The following DCC variants were observed in gnomAD, a reference collection of about 807,000 sequenced individuals.
DCC encodes DCC netrin 1 receptor.
DCC carries 58 observed loss-of-function variants against 172.5 expected under a neutral mutation model. The observed-to-expected ratio is 0.34, with a 90% CI of 0.27 to 0.42. The LOEUF (loss-of-function observed/expected upper bound fraction) is 0.42. Among genes scored for constraint, DCC ranks in the 10% least tolerant of loss-of-function variants. The pLI, the probability that DCC is intolerant of heterozygous loss-of-function variation, is 1.00. For missense variants in DCC, 1,740 were observed against 1,791.0 expected (o/e 0.97, Z 0.51); for synonymous variants, 709 against 644.5 (o/e 1.10, Z -1.52).
At chr18:53,498,347 G>A (rs900494733) in intron 26 of DCC, among the ~76,000 whole-genome samples, 8 of 152,064 alleles carry the variant, frequency 5.3e-5, no homozygotes, top group African/African-American at 1.9e-4. Flanking sequence ...ACTGCATTTT[G>A]TTTTGATTTA....
intron 15 of DCC, among the ~76,000 whole-genome samples, chr18:53,347,257 C>A (rs1027694673): frequency 2.0e-5 from 3 of 152,180 alleles, no homozygotes; most frequent in Non-Finnish European, 2.9e-5. Context: ...AAAACTAATT[C>A]CAACGCTGGT....
At chr18:52,854,266 T>C (rs72920200) in intron 2 of DCC, among the ~76,000 whole-genome samples, 2,878 of 152,282 alleles carry the variant, frequency 0.019, 47 homozygotes, top group Non-Finnish European at 0.027. Context: ...CAAGGCCCAT[T>C]TATTTTTTTT....
intron 5 of DCC, among the ~76,000 whole-genome samples, chr18:52,951,459 G>T (rs1268525611): frequency 1.3e-5 from 2 of 151,954 alleles, no homozygotes; most frequent in Non-Finnish European, 2.9e-5. Flanking sequence ...ACAGGTCCCG[G>T]TGTGTGATAT....
At chr18:52,611,614 G>A (rs1255983311) in intron 1 of DCC, among the ~76,000 whole-genome samples, 1 of 152,086 alleles carries the variant, frequency 6.6e-6, no homozygotes, top group Non-Finnish European at 1.5e-5. Context: ...TAGCTTTATT[G>A]AAGAATTACA....
At chr18:53,013,553 T>G (rs2041762182) in intron 5 of DCC, among the ~76,000 whole-genome samples, 1 of 148,996 alleles carries the variant, frequency 6.7e-6, no homozygotes, top group Non-Finnish European at 1.5e-5. Flanking sequence ...GGGTGGGGAG[T>G]GAGGGGAGTG....
chr18:53,156,931 T>C (rs1273168805), intron 7 of DCC, among the ~76,000 whole-genome samples: 1 of 152,222 alleles, frequency 6.6e-6, no homozygotes, highest in Non-Finnish European at 1.5e-5. Flanking sequence ...AAAGACATTT[T>C]CTATCATCAG....
At chr18:52,849,709 C>T (rs1256817650) in intron 2 of DCC, among the ~76,000 whole-genome samples, 3 of 152,178 alleles carry the variant, frequency 2.0e-5, no homozygotes, top group African/African-American at 4.8e-5. Context: ...TATTAGAATG[C>T]TTCTTCATTT....
chr18:52,789,068 G>T (rs7243567), intron 2 of DCC, among the ~76,000 whole-genome samples: 3 of 152,026 alleles, frequency 2.0e-5, no homozygotes, highest in East Asian at 1.9e-4. Flanking sequence ...CCGTAACTAC[G>T]ATTAGACATC....
intron 5 of DCC, among the ~76,000 whole-genome samples, chr18:52,929,448 C>T (rs2040269631): frequency 1.3e-5 from 2 of 152,068 alleles, no homozygotes; most frequent in African/African-American, 4.8e-5. Flanking sequence ...TAATTAGTCA[C>T]TTACATAAAA....
At chr18:52,472,370 G>C (rs1176579791) in intron 1 of DCC, among the ~76,000 whole-genome samples, 1 of 152,086 alleles carries the variant, frequency 6.6e-6, no homozygotes, top group African/African-American at 2.4e-5. Flanking sequence ...ATTAGTCTTA[G>C]CTCCTTTACT....
chr18:53,048,188 G>A (rs1452541118), intron 5 of DCC, among the ~76,000 whole-genome samples: 1 of 151,772 alleles, frequency 6.6e-6, no homozygotes, highest in African/African-American at 2.4e-5. Context: ...TGCATCACAG[G>A]AGTTTGTTTT....
intron 8 of DCC, among the ~76,000 whole-genome samples, chr18:53,163,940 A>G (rs1049354415): frequency 2.0e-5 from 3 of 152,202 alleles, no homozygotes; most frequent in African/African-American, 7.2e-5. Context: ...TAGGCTAAGC[A>G]TCTTACATAA....
chr18:52,672,457 T>G (rs1599007169), intron 1 of DCC, among the ~76,000 whole-genome samples: 1 of 152,184 alleles, frequency 6.6e-6, no homozygotes, highest in East Asian at 1.9e-4. Flanking sequence ...AGAGAGAGAT[T>G]GAACAAGATG....
chr18:52,764,074 T>C (rs1357478935), intron 2 of DCC, among the ~76,000 whole-genome samples: 1 of 152,240 alleles, frequency 6.6e-6, no homozygotes, highest in Non-Finnish European at 1.5e-5. Flanking sequence ...AGTGGTGTAA[T>C]GACTTAATCA....
At chr18:52,810,078 C>CA (rs79299397) in intron 2 of DCC, among the ~76,000 whole-genome samples, 210 of 142,766 alleles carry the variant, frequency 1.5e-3, no homozygotes, top group Middle Eastern at 3.5e-3. Context: ...TTCTAACAAC[C>CA]AAAAAAAAAA....
chr18:53,303,435 T>G (rs983870049), intron 12 of DCC, among the ~76,000 whole-genome samples: 1 of 152,218 alleles, frequency 6.6e-6, no homozygotes, highest in African/African-American at 2.4e-5. Flanking sequence ...CCACTTCCTT[T>G]ATGCTAAGGG....
At chr18:52,663,166 A>T (rs2144951980) in intron 1 of DCC, among the ~76,000 whole-genome samples, 1 of 152,342 alleles carries the variant, frequency 6.6e-6, no homozygotes, top group Non-Finnish European at 1.5e-5. Flanking sequence ...GTGTGCAGCC[A>T]AGTTTCAAAC....
intron 24 of DCC, among the ~76,000 whole-genome samples, chr18:53,465,964 C>A (rs1256033274): frequency 6.6e-6 from 1 of 152,132 alleles, no homozygotes; most frequent in Non-Finnish European, 1.5e-5. Context: ...CAGGGTTTCA[C>A]CATGTTAGCC....
chr18:53,052,869 G>T (rs745735805), intron 5 of DCC, among the ~76,000 whole-genome samples: 11 of 152,040 alleles, frequency 7.2e-5, no homozygotes, highest in Non-Finnish European at 1.5e-4. Flanking sequence ...GAAATGCCAG[G>T]CACGATGGCT....
Sources: allele counts gnomAD v4.1 joint callset (sites outside exome capture counted in the v4.1 genomes callset), GRCh38; gene constraint gnomAD v4.1.1; transcripts MANE v1.5; gene names NCBI Gene and HGNC (gene_info 2026-07-23, HGNC 2026-07-21).